PPARGC1A: variants seen among roughly 807,000 people sequenced by gnomAD.
PPARGC1A encodes PPARG coactivator 1 alpha.
A neutral mutation model predicts 88.7 loss-of-function variants in PPARGC1A; 25 were observed. The ratio of observed to expected loss-of-function variants is 0.28; its 90% CI spans 0.21 to 0.39. The LOEUF (loss-of-function observed/expected upper bound fraction) is 0.39. PPARGC1A is among the 10% of genes least tolerant of loss of function. The pLI is 1.00. For missense variants in PPARGC1A, 880 were observed against 968.7 expected, an observed-to-expected ratio of 0.91 and a Z score of 1.22; for synonymous variants, 363 against 355.6, an observed-to-expected ratio of 1.02 and a Z score of -0.24.
the PPARGC1A span, among the ~76,000 whole-genome samples, chr4:24,371,131 A>T: frequency 9.2e-5 from 14 of 152,080 alleles, no homozygotes; most frequent in Admixed American, 9.2e-4. Context: ...TTATGGCTGC[A>T]TTGTATTCCA....
At chr4:24,332,148 A>T in the PPARGC1A span, among the ~76,000 whole-genome samples, 1 of 150,366 alleles carries the variant, frequency 6.7e-6, no homozygotes, top group African/African-American at 2.5e-5. Flanking sequence ...TTTTGTTTTC[A>T]TTTTTCTTTT....
chr4:24,329,752 C>G, the PPARGC1A span, among the ~76,000 whole-genome samples: 1 of 152,180 alleles, frequency 6.6e-6, no homozygotes, highest in African/African-American at 2.4e-5. Flanking sequence ...TCATATACAC[C>G]TAGCACTTAG....
the PPARGC1A span, among the ~76,000 whole-genome samples, chr4:24,120,652 T>C: frequency 6.1e-3 from 930 of 152,234 alleles, 4 homozygotes; most frequent in South Asian, 0.021. Context: ...GGTGATGGTA[T>C]TGGGAGGTGG....
At chr4:23,917,647 A>G in the PPARGC1A span, among the ~76,000 whole-genome samples, 2 of 152,050 alleles carry the variant, frequency 1.3e-5, no homozygotes, top group African/African-American at 2.4e-5. Context: ...TCTTTTCCTG[A>G]TAAAAGACCA....
the PPARGC1A span, among the ~76,000 whole-genome samples, chr4:24,005,229 A>G: frequency 6.6e-6 from 1 of 152,212 alleles, no homozygotes; most frequent in Non-Finnish European, 1.5e-5. Flanking sequence ...ATTTTTATAT[A>G]TGTGAAATAA....
At position 23,854,017 on chromosome 4, in the gene PPARGC1A, A is replaced by G. The variant is rs995856361; in HGVS notation, c.235-22266T>C. ...GTTGTAAAAATTAAATGAAACGTATAAAGTGCTTAGAATACTGCCTGGCAC... is the reference window on the plus strand; with the variant it reads ...GTTGTAAAAATTAAATGAAACGTATGAAGTGCTTAGAATACTGCCTGGCAC... On this transcript the variant is annotated intron_variant, in intron 2 of 12. Transcript: ENST00000264867. Among the ~76,000 whole-genome samples the G allele has an allele frequency of 2.8e-4, 42 of 152,328 alleles. 1 individual carries two copies. Among genetic ancestry groups the G allele is most frequent in the African/African-American group, 1.0e-3 (42 of 41,568 alleles).
chr4:24,184,364 C>T, the PPARGC1A span, among the ~76,000 whole-genome samples: 15 of 152,226 alleles, frequency 9.9e-5, no homozygotes, highest in African/African-American at 3.6e-4. Flanking sequence ...TTTTCTTTCC[C>T]GCCTCCCATG....
At chr4:24,103,846 C>T in the PPARGC1A span, among the ~76,000 whole-genome samples, 2 of 152,110 alleles carry the variant, frequency 1.3e-5, no homozygotes, top group South Asian at 2.1e-4. Flanking sequence ...AACGTTTTCT[C>T]CAAAAAGCAT....
At chr4:24,013,359 T>C in the PPARGC1A span, among the ~76,000 whole-genome samples, 1 of 152,212 alleles carries the variant, frequency 6.6e-6, no homozygotes, top group South Asian at 2.1e-4. Context: ...CCCTTTTCCT[T>C]CCCACTCTAG....
chr4:24,191,958 G>A, the PPARGC1A span, among the ~76,000 whole-genome samples: 1,488 of 152,276 alleles, frequency 9.8e-3, 32 homozygotes, highest in African/African-American at 0.034. Flanking sequence ...TCTTGGAGAC[G>A]GGGATGTGTA....
At chr4:23,977,209 G>A in the PPARGC1A span, among the ~76,000 whole-genome samples, 1 of 152,152 alleles carries the variant, frequency 6.6e-6, no homozygotes, top group Non-Finnish European at 1.5e-5. Context: ...TGACCCTCCA[G>A]TGAGGATGAA....
intron 12 of PPARGC1A, among the ~76,000 whole-genome samples, chr4:23,798,752 T>C (rs1364399807): frequency 6.6e-6 from 1 of 152,122 alleles, no homozygotes; most frequent in Non-Finnish European, 1.5e-5. Flanking sequence ...GAAAGATCCA[T>C]TTGCTTATAA....
chr4:24,049,168 G>C, the PPARGC1A span, among the ~76,000 whole-genome samples: 2 of 149,648 alleles, frequency 1.3e-5, no homozygotes, highest in African/African-American at 4.9e-5. Context: ...GTGTAAGAGG[G>C]AGAAAGAGAG....
chr4:24,110,682 T>G, the PPARGC1A span, among the ~76,000 whole-genome samples: 13 of 152,298 alleles, frequency 8.5e-5, no homozygotes, highest in African/African-American at 2.9e-4. Context: ...AAGTTTTTCT[T>G]GATGTAAAAG....
At chr4:23,864,794 AG>A (rs1018624233) in intron 2 of PPARGC1A, among the ~76,000 whole-genome samples, 2 of 152,236 alleles carry the variant, frequency 1.3e-5, no homozygotes, top group African/African-American at 2.4e-5. Context: ...CCCGTCTTAA[AG>A]GGGACTAAAG....
the PPARGC1A span, among the ~76,000 whole-genome samples, chr4:24,025,354 C>G: frequency 1.3e-5 from 2 of 152,130 alleles, no homozygotes; most frequent in Non-Finnish European, 2.9e-5. Flanking sequence ...ACACCATCAT[C>G]TTTATTTCAC....
the PPARGC1A span, chr4:24,091,374 G>T: frequency 1.1e-6 from 1 of 908,028 alleles, no homozygotes; most frequent in Non-Finnish European, 1.3e-6. Flanking sequence ...AGATAGCACA[G>T]TTCCACAAAT....
the PPARGC1A span, among the ~76,000 whole-genome samples, chr4:24,083,887 C>G: frequency 2.0e-5 from 3 of 152,198 alleles, no homozygotes; most frequent in South Asian, 2.1e-4. Flanking sequence ...GTCTAACAAA[C>G]AGTCATGTGG....
At chr4:24,429,810 C>T in the PPARGC1A span, among the ~76,000 whole-genome samples, 1 of 152,020 alleles carries the variant, frequency 6.6e-6, no homozygotes, top group Admixed American at 6.6e-5. Context: ...CGCCACCAGG[C>T]CTGGCTACTT....
Sources: allele counts gnomAD v4.1 joint callset (sites outside exome capture counted in the v4.1 genomes callset), GRCh38; gene constraint gnomAD v4.1.1; transcripts MANE v1.5; gene names NCBI Gene and HGNC (gene_info 2026-07-23, HGNC 2026-07-21).